Variants in CREB5 observed in about 807,000 individuals in gnomAD.
CREB5 encodes cyclic AMP-responsive element-binding protein 5.
CREB5 carries 19 observed loss-of-function variants against 57.1 expected under a neutral mutation model. The ratio of observed to expected loss-of-function variants is 0.33; its 90% confidence interval spans 0.23 to 0.49. The LOEUF (loss-of-function observed/expected upper bound fraction) is 0.49, where lower values mean the gene tolerates loss of function less well. Ranked by LOEUF, CREB5 falls within the 20% of genes least tolerant of loss-of-function variation. CREB5 has a pLI of 0.99. For synonymous variants in CREB5, 238 were observed against 238.3 expected (o/e 1.00, Z 0.01); for missense variants, 579 against 671.6 (o/e 0.86, Z 1.52).
chr7:28,671,664 G>A (rs1412297634), intron 5 of CREB5, among the ~76,000 whole-genome samples: 1 of 152,144 alleles, frequency 6.6e-6, no homozygotes, highest in Admixed American at 6.5e-5. Flanking sequence ...TTTGTTTAGT[G>A]GCCTCAAAGA....
chr7:28,359,238 C>T (rs1342900609), intron 1 of CREB5, among the ~76,000 whole-genome samples: 3 of 119,422 alleles, frequency 2.5e-5, no homozygotes, highest in Admixed American at 8.2e-5. Context: ...AAAAAAAAAG[C>T]TTTAAGTACT....
chr7:28,472,152 CAA>C (rs751915630), intron 1 of CREB5, among the ~76,000 whole-genome samples: 2 of 63,046 alleles, frequency 3.2e-5, no homozygotes, highest in Non-Finnish European at 3.5e-5. Flanking sequence ...ATAGTCAAAG[CAA>C]AAAAAAAAAA....
chr7:28,397,121 A>G (rs1218091763), intron 1 of CREB5, among the ~76,000 whole-genome samples: 3 of 152,198 alleles, frequency 2.0e-5, no homozygotes, highest in African/African-American at 7.2e-5. Context: ...GCGCAGTGTA[A>G]TGAGTTGAAA....
At chr7:28,465,130 T>C (rs570380116) in intron 1 of CREB5, among the ~76,000 whole-genome samples, 1 of 152,166 alleles carries the variant, frequency 6.6e-6, no homozygotes, top group East Asian at 1.9e-4. Flanking sequence ...GGGAGGGATA[T>C]CAGGACTCCT....
intron 9 of CREB5, among the ~76,000 whole-genome samples, chr7:28,814,067 G>T (rs1809280887): frequency 6.6e-6 from 1 of 152,116 alleles, no homozygotes; most frequent in Admixed American, 6.6e-5. Context: ...GCCTCCAGAA[G>T]GCCTGGTTTT....
rs1258755820 is a variant in CREB5, at chr7:28,560,963, T to C, written c.292-9402T>C. 6.0e-3 allele frequency among the ~76,000 whole-genome samples: 288 copies of C among 48,058 alleles called. 11 individuals are homozygous for C. Among genetic ancestry groups the C allele is most frequent in the East Asian group, 0.037 (36 of 986 alleles). The allele number at this position is 48,058 out of a possible 152,430, so 31.5% of individuals were successfully genotyped here. The stretch of plus-strand genomic sequence containing the variant: ...GTGCGTGTGTGTGCGTGTGTGTGCG[T>C]GTGTGTGTGCGTGTGTGCGTGCGTG... On this transcript the variant is annotated intron_variant, in intron 4 of 10. Transcript: ENST00000357727.
chr7:28,686,343 T>G, intron 5 of CREB5: 4 of 648,410 alleles, frequency 6.2e-6, no homozygotes, highest in Non-Finnish European at 1.1e-5. Flanking sequence ...GTTTCTCCTC[T>G]TCTTCCTTCT....
At chr7:28,319,607 T>A (rs1337878716) in intron 1 of CREB5, among the ~76,000 whole-genome samples, 3 of 152,134 alleles carry the variant, frequency 2.0e-5, no homozygotes, top group African/African-American at 7.2e-5. Flanking sequence ...TGGATGCAGG[T>A]GACTCCTCCG....
intron 3 of CREB5, among the ~76,000 whole-genome samples, chr7:28,502,354 A>G (rs1792307860): frequency 6.6e-6 from 1 of 152,100 alleles, no homozygotes; most frequent in Admixed American, 6.6e-5. Context: ...TAAAGAAAGC[A>G]TTTGCTGAAA....
intron 7 of CREB5, among the ~76,000 whole-genome samples, chr7:28,741,362 A>G (rs1369953024): frequency 6.6e-6 from 1 of 152,172 alleles, no homozygotes; most frequent in African/African-American, 2.4e-5. Flanking sequence ...AGTACTGGAC[A>G]GAAATCCACC....
chr7:28,603,749 CGTTA>C (rs1554273757), intron 5 of CREB5, among the ~76,000 whole-genome samples: 3 of 152,122 alleles, frequency 2.0e-5, no homozygotes, highest in Non-Finnish European at 2.9e-5. Context: ...TTACTTAGTC[CGTTA>C]GTTGGTTGGT....
chr7:28,610,480 G>A (rs751055124), intron 5 of CREB5, among the ~76,000 whole-genome samples: 5 of 152,056 alleles, frequency 3.3e-5, no homozygotes, highest in Non-Finnish European at 5.9e-5. Flanking sequence ...ATACATTCAC[G>A]CAAAGGGGAA....
At chr7:28,650,208 C>A (rs1355097705) in intron 5 of CREB5, among the ~76,000 whole-genome samples, 1 of 152,172 alleles carries the variant, frequency 6.6e-6, no homozygotes, top group East Asian at 1.9e-4. Flanking sequence ...ATTTGTTAAA[C>A]ACCTTCTTTG....
intron 1 of CREB5, among the ~76,000 whole-genome samples, chr7:28,333,133 T>C (rs907165878): frequency 1.3e-5 from 2 of 152,254 alleles, no homozygotes; most frequent in African/African-American, 4.8e-5. Flanking sequence ...TCCTAACTTG[T>C]GTTTAAATAA....
chr7:28,776,752 G>A (rs989712244), intron 7 of CREB5, among the ~76,000 whole-genome samples: 1 of 152,106 alleles, frequency 6.6e-6, no homozygotes, highest in Admixed American at 6.5e-5. Context: ...CTGTCTCTAC[G>A]GATTGCCTCT....
chr7:28,450,864 A>T (rs1478521972), intron 1 of CREB5, among the ~76,000 whole-genome samples: 1 of 152,202 alleles, frequency 6.6e-6, no homozygotes, highest in East Asian at 1.9e-4. Flanking sequence ...AAGTAGATGC[A>T]TATCTTTATG....
At chr7:28,672,175 GAAAAAAAAAA>G (rs201063096) in intron 5 of CREB5, among the ~76,000 whole-genome samples, 7 of 88,134 alleles carry the variant, frequency 7.9e-5, no homozygotes, top group African/African-American at 1.8e-4. Flanking sequence ...TTGTATTATG[GAAAAAAAAAA>G]AAAACACACA....
intron 5 of CREB5, among the ~76,000 whole-genome samples, chr7:28,713,034 C>T (rs1426516328): frequency 6.6e-6 from 1 of 152,006 alleles, no homozygotes; most frequent in African/African-American, 2.4e-5. Context: ...AAAAGAAGCA[C>T]ATATTTTAAA....
At chr7:28,662,547 A>G (rs1204693716) in intron 5 of CREB5, among the ~76,000 whole-genome samples, 1 of 152,164 alleles carries the variant, frequency 6.6e-6, no homozygotes, top group Non-Finnish European at 1.5e-5. Flanking sequence ...GGGCCAAACC[A>G]TAAAGCTGAC....
Sources: allele counts gnomAD v4.1 joint callset (sites outside exome capture counted in the v4.1 genomes callset), GRCh38; gene constraint gnomAD v4.1.1; transcripts MANE v1.5; gene names NCBI Gene and HGNC (gene_info 2026-07-23, HGNC 2026-07-21).